The following MYO9A variants were observed in gnomAD, a reference collection of about 807,000 sequenced individuals.
The protein encoded by MYO9A is unconventional myosin-IXa.
Under a neutral mutation model 293.3 loss-of-function variants are expected in MYO9A, and 103 were observed. The ratio of observed to expected loss-of-function variants is 0.35; its 90% CI spans 0.30 to 0.41. The LOEUF (loss-of-function observed/expected upper bound fraction) is 0.41. Among genes scored for constraint, MYO9A ranks in the 10% least tolerant of loss-of-function variants. The pLI, the probability that MYO9A is intolerant of heterozygous loss-of-function variation, is 1.00. For synonymous variants in MYO9A, 1,001 were observed against 1,035.7 expected, an observed-to-expected ratio of 0.97 and a Z score of 0.64; for missense variants, 2,685 against 3,033.0, an observed-to-expected ratio of 0.89 and a Z score of 2.69.
In MYO9A at chr15:71,994,483, C is replaced by T. The variant is rs113371332; in HGVS notation, c.1573G>A (p.Glu525Lys). The T allele has an allele frequency of 1.9e-5, 30 of 1,590,672 alleles. 1 individual carries two copies. The highest frequency in any genetic ancestry group is 1.6e-4 in the African/African-American group (12 of 73,966). Residue 525 changes from glutamate to lysine, a missense_variant, in exon 10 of 42, where the codon GAG becomes AAG. Around this residue, in one of 10 missense-constraint regions of MYO9A, gnomAD observed 201 missense variants for 245.2 expected, o/e 0.82. Transcript: ENST00000356056. ...NHALLNSKDL[E>K]HNTKTLSIGV... ...TATATCATTACCTTGGTATTATGCT[C>T]TAAATCTTTACTATTCAGAAGTGCA...
At chr15:71,908,719 T>C (rs1194725487) in intron 19 of MYO9A, among the ~76,000 whole-genome samples, 2 of 152,164 alleles carry the variant, frequency 1.3e-5, no homozygotes, top group African/African-American at 4.8e-5. Flanking sequence ...ATAATTAACA[T>C]CTTGCATTAG....
intron 31 of MYO9A, 31 bp downstream of exon 31, chr15:71,878,009 C>T (rs1237403897): frequency 1.3e-6 from 2 of 1,512,278 alleles, no homozygotes; most frequent in African/African-American, 2.8e-5. Context: ...ATAATTAAAT[C>T]CTTTAAGTAA....
intron 1 of MYO9A, among the ~76,000 whole-genome samples, chr15:72,088,834 T>A (rs1277721924): frequency 6.6e-6 from 1 of 152,194 alleles, no homozygotes; most frequent in Admixed American, 6.5e-5. Context: ...TCAAATACTA[T>A]CTAAATACAG....
At position 72,014,737 on chromosome 15, in the gene MYO9A, G is replaced by C. The variant is rs999761113; in HGVS notation, c.1156-4290C>G. Among the ~76,000 whole-genome samples the C allele has an allele frequency of 4.7e-5, 7 of 147,846 alleles. No homozygotes were observed. The South Asian group carries it at 1.3e-3, about 27-fold the overall frequency. On this transcript the variant is annotated intron_variant, in intron 6 of 41. Transcript: ENST00000356056. Reference sequence around the variant, plus strand: ...AAAAGAAAAGAAGAGAAGAGAGAGAGAGAGAAAGAAAGGAAAGAAAGAAAG... The same window carrying C: ...AAAAGAAAAGAAGAGAAGAGAGAGACAGAGAAAGAAAGGAAAGAAAGAAAG...
At chr15:71,910,182 A>ATATATATATACGTGTGT (rs1567260909) in intron 19 of MYO9A, among the ~76,000 whole-genome samples, 2 of 145,736 alleles carry the variant, frequency 1.4e-5, no homozygotes, top group Non-Finnish European at 3.0e-5. Flanking sequence ...ATATATATAT[A>ATATATATATACGTGTGT]AAATCAGAAA....
chr15:71,971,251 T>A (rs1475471572), intron 12 of MYO9A, among the ~76,000 whole-genome samples: 1 of 151,962 alleles, frequency 6.6e-6, no homozygotes, highest in East Asian at 1.9e-4. Flanking sequence ...TTATAGTCTT[T>A]GTATAATAAG....
chr15:72,027,054 T>C lies in MYO9A; in HGVS notation c.998+677A>G, dbSNP rs562293711. On this transcript the variant is annotated intron_variant, in intron 4 of 41. Transcript: ENST00000356056. ...ATCCTTCACAAACTCTTCTAGAGAATTGGTTTGTAAAAACTGGATTTCACC... is the reference window on the plus strand; with the variant it reads ...ATCCTTCACAAACTCTTCTAGAGAACTGGTTTGTAAAAACTGGATTTCACC... 1.1e-4 allele frequency among the ~76,000 whole-genome samples: 16 copies of C among 152,336 alleles called. No individual in the cohort carries two copies. In the South Asian group the frequency reaches 1.4e-3, roughly 14 times the overall value.
At chr15:71,853,990 T>C (rs1396831547) in intron 35 of MYO9A, among the ~76,000 whole-genome samples, 4 of 152,330 alleles carry the variant, frequency 2.6e-5, no homozygotes, top group Non-Finnish European at 4.4e-5. Flanking sequence ...GGGATAATAA[T>C]ATCCCTAATT....
rs898098818 is a variant in MYO9A at position 71,823,343 on chromosome 15, T to A, written c.*3237A>T. On this transcript the variant is annotated 3_prime_UTR_variant, in exon 42 of 42. Transcript: ENST00000356056. ...TTTTTGATGGAGAAAACAACGCTACTGTTATGAAACACAGAATGGAGTCTT... is the reference window on the plus strand; with the variant it reads ...TTTTTGATGGAGAAAACAACGCTACAGTTATGAAACACAGAATGGAGTCTT... The A allele has an allele frequency of 1.3e-5, 2 of 152,208 alleles. No homozygotes were observed. Among genetic ancestry groups the A allele is most frequent in the African/African-American group, 4.8e-5 (2 of 41,448 alleles). 9.4% of individuals were successfully genotyped at this position (152,208 alleles called of 1,614,324 possible).
chr15:71,834,037 T>A (rs1459073352), intron 39 of MYO9A, among the ~76,000 whole-genome samples: 1 of 151,928 alleles, frequency 6.6e-6, no homozygotes, highest in Non-Finnish European at 1.5e-5. Flanking sequence ...AACATTAGAA[T>A]AAAGACAATC....
chr15:71,867,378 A>T (rs181626494), intron 32 of MYO9A, among the ~76,000 whole-genome samples: 3 of 152,202 alleles, frequency 2.0e-5, no homozygotes, highest in Admixed American at 6.5e-5. Context: ...AAGCTATGAA[A>T]AAAGAAGATT....
At chr15:72,057,404 G>A (rs1454130407) in intron 1 of MYO9A, among the ~76,000 whole-genome samples, 2 of 152,172 alleles carry the variant, frequency 1.3e-5, no homozygotes, top group African/African-American at 4.8e-5. Context: ...TATCAGCTTA[G>A]CCTGACCAGT....
At chr15:72,016,661 T>C (rs1301633841) in intron 6 of MYO9A, among the ~76,000 whole-genome samples, 2 of 152,232 alleles carry the variant, frequency 1.3e-5, no homozygotes, top group Non-Finnish European at 2.9e-5. Context: ...ATCCTCAGAC[T>C]GCTTGCTTTT....
chr15:71,998,537 A>G (rs1402112553), intron 9 of MYO9A, among the ~76,000 whole-genome samples: 1 of 148,768 alleles, frequency 6.7e-6, no homozygotes, highest in African/African-American at 2.5e-5. Flanking sequence ...AAAACTCTTA[A>G]AGATTTGGCT....
intron 12 of MYO9A, among the ~76,000 whole-genome samples, chr15:71,974,334 A>G (rs1042096925): frequency 1.3e-5 from 2 of 152,198 alleles, no homozygotes; most frequent in Non-Finnish European, 2.9e-5. Context: ...GCATGCTTTC[A>G]CGAGTGTGTG....
At chr15:72,087,789 G>A (rs2079788049) in intron 1 of MYO9A, among the ~76,000 whole-genome samples, 1 of 151,918 alleles carries the variant, frequency 6.6e-6, no homozygotes, top group South Asian at 2.1e-4. Context: ...TTTCCACTAT[G>A]CCTTTCTCCA....
At chr15:71,947,222 C>A (rs2058937969) in intron 15 of MYO9A, among the ~76,000 whole-genome samples, 1 of 146,864 alleles carries the variant, frequency 6.8e-6, no homozygotes, top group Admixed American at 7.0e-5. Flanking sequence ...GTGGAGGTTG[C>A]AGTGAGCCAA....
rs1555490831 is a variant in MYO9A at position 71,956,330 on chromosome 15, A to ATT, written c.2182+3570_2182+3571insAA. On this transcript the variant is annotated intron_variant, in intron 14 of 41. Transcript: ENST00000356056. The stretch of plus-strand genomic sequence containing the variant: ...GCTCTTAAAAAAAAAAAAAAAAAAA[A>ATT]ATATATATATATATATATATAAAAT... Among the ~76,000 whole-genome samples the ATT allele has an allele frequency of 7.1e-4, 54 of 75,580 alleles. 5 individuals carry two copies. The East Asian group carries it at 0.022, about 31-fold the overall frequency. 49.6% of individuals were successfully genotyped at this position (75,580 alleles called of 152,430 possible). A position where few individuals can be genotyped will look rare whatever the true frequency, so the allele number is the denominator to read the frequency against.
chr15:71,884,929 T>G (rs1412520367), intron 27 of MYO9A, among the ~76,000 whole-genome samples: 1 of 151,372 alleles, frequency 6.6e-6, no homozygotes, highest in East Asian at 1.9e-4. Flanking sequence ...GTCTATCTGG[T>G]TTTGAAGCCC....
Sources: gnomAD v4.1 joint callset for allele counts (sites outside exome capture counted in the v4.1 genomes callset) on GRCh38, gnomAD v4.1.1 for gene constraint, gnomAD v4.1.1 regional missense constraint, MANE v1.5 for transcripts, NCBI Gene and HGNC (gene_info 2026-07-23, HGNC 2026-07-21) for gene names.